The following SEMA4B variants were observed in gnomAD, a reference collection of about 807,000 sequenced individuals.
SEMA4B encodes semaphorin 4B, also known as semaphorin-4B.
A neutral mutation model predicts 88.1 loss-of-function variants in SEMA4B; 55 were observed. That is an observed-to-expected ratio of 0.62 (90% CI 0.50 to 0.78). The LOEUF is 0.78. Among genes scored for constraint, SEMA4B ranks in the 30% least tolerant of loss-of-function variants. The probability of loss-of-function intolerance (pLI) is 0.00; values close to 1 mark genes in which losing one functional copy is unlikely to be tolerated. For missense variants in SEMA4B, 1,062 were observed against 1,111.9 expected (o/e 0.96, Z 0.64); for synonymous variants, 525 against 473.6 (o/e 1.11, Z -1.41).
At chr15:90,214,583 A>C (rs776978281) in intron 1 of SEMA4B, among the ~76,000 whole-genome samples, 14 of 146,182 alleles carry the variant, frequency 9.6e-5, no homozygotes, top group Non-Finnish European at 1.8e-4. Context: ...CGGTGAGCCA[A>C]GATTGTGCTA....
chr15:90,198,386 T>C (rs1207966389), upstream of SEMA4B, among the ~76,000 whole-genome samples: 1 of 152,224 alleles, frequency 6.6e-6, no homozygotes, highest in Non-Finnish European at 1.5e-5. Flanking sequence ...AGGCTTGAGA[T>C]ACATTACTTA....
upstream of SEMA4B, chr15:90,201,269 G>C (rs939254788): frequency 9.3e-7 from 1 of 1,070,160 alleles, no homozygotes; most frequent in Admixed American, 5.3e-5. Context: ...AGGAGGAAGG[G>C]GGAAGGGGGC....
intron 1 of SEMA4B, among the ~76,000 whole-genome samples, chr15:90,206,165 C>T (rs1960977569): frequency 6.6e-6 from 1 of 152,176 alleles, no homozygotes; most frequent in Non-Finnish European, 1.5e-5. Context: ...ATCAATCACT[C>T]CTTCCTTTAT....
At chr15:90,215,407 C>T (rs57098357) in intron 1 of SEMA4B, among the ~76,000 whole-genome samples, 1,719 of 152,140 alleles carry the variant, frequency 0.011, 36 homozygotes, top group African/African-American at 0.039. Context: ...ATTTTTCCCA[C>T]AAAAAATAGA....
chr15:90,229,185 A>T lies in SEMA4B; in HGVS notation c.*542A>T. On this transcript the variant is annotated 3_prime_UTR_variant, in exon 14 of 14. Coordinates refer to ENST00000411539, the MANE Select transcript of SEMA4B (RefSeq NM_198925.4). Reference sequence around the variant, plus strand: ...TGCCTTGCCAGTCAGCCGAGGATGTAGTTGTTGCTGCCGTCGTCCCACCAC... The same window carrying T: ...TGCCTTGCCAGTCAGCCGAGGATGTTGTTGTTGCTGCCGTCGTCCCACCAC... The T allele has an allele frequency of 1.0e-5, 4 of 397,186 alleles. No homozygotes were observed. The East Asian group carries it at 3.0e-4, about 29-fold the overall frequency. The allele number at this position is 397,186 out of a possible 1,614,324, so 24.6% of individuals were successfully genotyped here. A position where few individuals can be genotyped will look rare whatever the true frequency, so the allele number is the denominator to read the frequency against.
In SEMA4B at chr15:90,223,873, T is replaced by C. The variant is rs778851894; in HGVS notation, c.1079T>C (p.Val360Ala). ...RGTTEGSAVC[V>A]FTMKDVQRVF... is the part of the protein sequence containing the mutation. ...ACTACAGAAGGCTCTGCCGTCTGTG[T>C]CTTCACAATGAAGGATGTGCAGAGA... Residue 360 changes from valine (V) to alanine (A), a missense_variant, in exon 9 of 14, where the codon GTC (valine) becomes GCC (alanine). Coordinates refer to ENST00000411539, the MANE Select transcript of SEMA4B (RefSeq NM_198925.4). The C allele has an allele frequency of 1.0e-4, 162 of 1,613,966 alleles. 2 individuals carry two copies. The South Asian group carries it at 1.7e-3, about 17-fold the overall frequency.
chr15:90,193,289 G>A (rs868285), intron 1 of SEMA4B: 2 of 152,154 alleles, frequency 1.3e-5, no homozygotes, highest in Non-Finnish European at 1.5e-5. Context: ...CAGTGTCCTC[G>A]TGTGGTTTCT....
At chr15:90,213,550 T>A (rs1474639196) in intron 1 of SEMA4B, among the ~76,000 whole-genome samples, 2 of 152,246 alleles carry the variant, frequency 1.3e-5, no homozygotes, top group Non-Finnish European at 2.9e-5. Flanking sequence ...TCCAGCCGGC[T>A]GCACTCTGTA....
upstream of SEMA4B, among the ~76,000 whole-genome samples, chr15:90,197,929 A>T (rs925776291): frequency 4.1e-5 from 6 of 147,486 alleles, no homozygotes; most frequent in African/African-American, 1.1e-4. Flanking sequence ...TTAATTAATT[A>T]ATTTTTTTTT....
intron 1 of SEMA4B, among the ~76,000 whole-genome samples, chr15:90,213,834 T>A (rs1258902480): frequency 6.6e-6 from 1 of 152,238 alleles, no homozygotes; most frequent in Admixed American, 6.5e-5. Context: ...TGTCTTGGTC[T>A]CACTCCTCTT....
intron 1 of SEMA4B, among the ~76,000 whole-genome samples, chr15:90,196,255 CA>C: frequency 6.6e-6 from 1 of 152,074 alleles, no homozygotes; most frequent in Non-Finnish European, 1.5e-5. Flanking sequence ...TGCATCATAT[CA>C]GGAGGAAAAT....
At chr15:90,213,954 C>T (rs1961396931) in intron 1 of SEMA4B, among the ~76,000 whole-genome samples, 5 of 152,330 alleles carry the variant, frequency 3.3e-5, no homozygotes, top group South Asian at 4.1e-4. Context: ...ACTTGAGGGC[C>T]GGGCTCGGTG....
intron 1 of SEMA4B, among the ~76,000 whole-genome samples, chr15:90,205,979 T>C (rs1320497357): frequency 6.6e-6 from 1 of 152,248 alleles, no homozygotes; most frequent in African/African-American, 2.4e-5. Context: ...GGTTCTGCTC[T>C]GCCTTCAGCA....
intron 12 of SEMA4B, chr15:90,227,160 A>T (rs1017256076): frequency 5.3e-6 from 1 of 189,252 alleles, no homozygotes; most frequent in African/African-American, 2.4e-5. Flanking sequence ...CGATCCTCCA[A>T]CCTCAGCCTC....
At chr15:90,214,328 C>CA (rs11289702) in intron 1 of SEMA4B, among the ~76,000 whole-genome samples, 180 of 89,190 alleles carry the variant, frequency 2.0e-3, no homozygotes, top group East Asian at 6.2e-3. Flanking sequence ...AACTCCGTCT[C>CA]AAAAAAAAAA....
chr15:90,211,826 C>T (rs751403827), intron 1 of SEMA4B, among the ~76,000 whole-genome samples: 9 of 152,140 alleles, frequency 5.9e-5, no homozygotes, highest in Non-Finnish European at 1.3e-4. Flanking sequence ...CCTTCCCCAC[C>T]GACTCCACAG....
upstream of SEMA4B, among the ~76,000 whole-genome samples, chr15:90,197,371 C>T (rs1960543910): frequency 6.6e-6 from 1 of 151,968 alleles, no homozygotes; most frequent in African/African-American, 2.4e-5. Flanking sequence ...GCCTGGGTGA[C>T]AGAGTGAGAC....
chr15:90,205,702 G>C (rs1228110061), intron 1 of SEMA4B, among the ~76,000 whole-genome samples: 1 of 152,226 alleles, frequency 6.6e-6, no homozygotes, highest in Non-Finnish European at 1.5e-5. Flanking sequence ...GCCTTGCTTG[G>C]TGAGGTTATT....
rs566528436 is a variant in SEMA4B, at chr15:90,219,827, C to T, written c.419C>T (p.Pro140Leu). 2.5e-5 allele frequency: 40 copies of T among 1,613,658 alleles called. No homozygotes were observed. Among genetic ancestry groups the T allele is most frequent in the Admixed American group, 1.8e-4 (11 of 60,010 alleles). ...CAAAACTACATCAAGATCCTCCTGC[C>T]GCTCAGCGGCAGTCACCTGTTCACC... ...DCQNYIKILL[P>L]LSGSHLFTCG... Residue 140 changes from proline to leucine, a missense_variant, in exon 4 of 14, where the codon CCG (proline) becomes CTG (leucine). Pro to Leu is a moderately conservative substitution (Grantham distance 98). Coordinates refer to ENST00000411539, the MANE Select transcript of SEMA4B (RefSeq NM_198925.4).
Sources: allele counts gnomAD v4.1 joint callset (sites outside exome capture counted in the v4.1 genomes callset), GRCh38; gene constraint gnomAD v4.1.1; transcripts MANE v1.5; gene names NCBI Gene and HGNC (gene_info 2026-07-23, HGNC 2026-07-21).